GTF2IRD1: variants seen among roughly 807,000 people sequenced by gnomAD.
The protein encoded by GTF2IRD1 is GTF2I repeat domain containing 1.
In GTF2IRD1, 26 loss-of-function variants were observed where a neutral mutation model predicts 113.2. The ratio of observed to expected loss-of-function variants is 0.23; its 90% CI spans 0.17 to 0.32. The LOEUF (loss-of-function observed/expected upper bound fraction) is 0.32. GTF2IRD1 is among the 10% of genes least tolerant of loss of function. The pLI, the probability that GTF2IRD1 is intolerant of heterozygous loss-of-function variation, is 1.00. For synonymous variants in GTF2IRD1, 484 were observed against 529.1 expected (o/e 0.91, Z 1.17); for missense variants, 864 against 1,280.8 (o/e 0.67, Z 4.97).
chr7:74,475,011 A>T (rs2117046724), intron 1 of GTF2IRD1, among the ~76,000 whole-genome samples: 1 of 152,224 alleles, frequency 6.6e-6, no homozygotes, highest in South Asian at 2.1e-4. Flanking sequence ...AGTCCCAGAT[A>T]CTCAGGAAGG....
intron 1 of GTF2IRD1, among the ~76,000 whole-genome samples, chr7:74,492,248 G>T (rs539874994): frequency 6.7e-6 from 1 of 149,446 alleles, no homozygotes; most frequent in African/African-American, 2.5e-5. Context: ...TCGGCTCACC[G>T]CAAGCTCTGC....
At chr7:74,519,262 T>G in intron 5 of GTF2IRD1, 147 bp from the exon 6 acceptor site, 1 of 556,294 alleles carries the variant, frequency 1.8e-6, no homozygotes, top group Non-Finnish European at 3.1e-6. Context: ...CATCCCCACT[T>G]GTGAAGTGGA....
At chr7:74,465,836 C>G (rs909627836) in intron 1 of GTF2IRD1, among the ~76,000 whole-genome samples, 13 of 152,122 alleles carry the variant, frequency 8.5e-5, no homozygotes, top group Non-Finnish European at 1.9e-4. Flanking sequence ...GTGGCAGGAT[C>G]TCGGCTCACT....
rs781830372 is a variant in GTF2IRD1 at position 74,555,481 on chromosome 7, A to C, written c.2010A>C (p.Arg670Ser). ...GDPLVDESLK[R>S]QGFQENYDAR... ...CTCTGGTGGACGAGAGCCTGAAGAG[A>C]CAGGGCTTTCAAGGTAAGGTTGAGC... The change falls in exon 19 of 27, where the codon AGA (arginine) becomes AGC (serine). Residue 670 changes from arginine (R) to serine (S), a missense_variant. Arg to Ser is a moderately radical substitution (Grantham distance 110, BLOSUM62 -1). Around this residue, in one of 7 missense-constraint regions of GTF2IRD1, gnomAD observed 195 missense variants for 359.1 expected, o/e 0.54. Coordinates refer to ENST00000424337, the MANE Select transcript of GTF2IRD1 (RefSeq NM_005685.4). This position sits in a 1 kb window ranked among gnomAD's most constrained non-coding sequence, Gnocchi z 5.3. 1.2e-6 allele frequency: 2 copies of C among 1,607,568 alleles called. No individual in the cohort carries two copies. The highest frequency in any genetic ancestry group is 1.7e-5 in the Admixed American group (1 of 59,976).
Position 74,529,854 on chromosome 7 carries a change from A to T in GTF2IRD1, c.1211A>T (p.Tyr404Phe). The part of the protein sequence containing the change: ...DKIPFKRPCT[Y>F]GVPKLKRILE... ...ATCCCCTTCAAGCGCCCCTGCACTT[A>T]TGGAGTCCCCAAGCTGAAGCGGATC... Residue 404 changes from tyrosine to phenylalanine, a missense_variant, in exon 9 of 27, where the codon TAT becomes TTT. By Grantham distance (22) the Tyr-to-Phe change is conservative. Coordinates refer to ENST00000424337, the MANE Select transcript of GTF2IRD1 (RefSeq NM_005685.4). 1 of 1,614,082 alleles carries T rather than the reference A, an allele frequency of 6.2e-7. No homozygotes were observed. Among genetic ancestry groups the T allele is most frequent in the Non-Finnish European group, 8.5e-7 (1 of 1,180,006 alleles).
intron 1 of GTF2IRD1, among the ~76,000 whole-genome samples, chr7:74,475,626 T>G (rs1173322783): frequency 2.0e-5 from 3 of 152,186 alleles, no homozygotes; most frequent in Non-Finnish European, 2.9e-5. Context: ...TTCATGAAAT[T>G]GCACCACCTG....
chr7:74,480,768 G>A (rs1794694461), intron 1 of GTF2IRD1, among the ~76,000 whole-genome samples: 1 of 152,212 alleles, frequency 6.6e-6, no homozygotes, highest in African/African-American at 2.4e-5. Flanking sequence ...CTCCGTGCCC[G>A]CCCCGGGGGA....
At chr7:74,585,957 T>C (rs1801693058) in intron 22 of GTF2IRD1, among the ~76,000 whole-genome samples, 1 of 151,328 alleles carries the variant, frequency 6.6e-6, no homozygotes, top group African/African-American at 2.4e-5. Context: ...CATGGTAGAG[T>C]GGAAAGACCA....
In GTF2IRD1 at chr7:74,489,147, G is replaced by GA. The variant is rs1164410446; in HGVS notation, c.-6-18919dup. ...ACAGGGTAAGACTCCATCTCAAAAA[G>GA]AAAAAAAAAGACTTTTACTGTTTCA... On this transcript the variant is annotated intron_variant, in intron 1 of 26. Transcript: ENST00000424337. 4.1e-3 allele frequency among the ~76,000 whole-genome samples: 615 copies of GA among 149,550 alleles called. 5 individuals carry two copies. Among genetic ancestry groups the GA allele is most frequent in the African/African-American group, 0.014 (564 of 40,818 alleles).
At chr7:74,486,591 T>C (rs1267058781) in intron 1 of GTF2IRD1, among the ~76,000 whole-genome samples, 2 of 152,162 alleles carry the variant, frequency 1.3e-5, no homozygotes, top group Admixed American at 1.3e-4. Context: ...TTTTGTGTTG[T>C]GGCCCCTACA....
At chr7:74,571,131 A>G in intron 22 of GTF2IRD1, 1 of 985,158 alleles carries the variant, frequency 1.0e-6, no homozygotes, top group Non-Finnish European at 1.2e-6. Context: ...GGGGCTCCAG[A>G]CCCCAGGGAT....
chr7:74,497,830 A>G (rs1443097510), intron 1 of GTF2IRD1, among the ~76,000 whole-genome samples: 1 of 152,110 alleles, frequency 6.6e-6, no homozygotes, highest in Non-Finnish European at 1.5e-5. Context: ...TCAGCCTCCC[A>G]AGTAGCTGGG....
intron 6 of GTF2IRD1, among the ~76,000 whole-genome samples, chr7:74,520,839 A>ATTATTAT (rs1199756991): frequency 1.0e-5 from 1 of 95,880 alleles, no homozygotes; most frequent in African/African-American, 4.0e-5. Flanking sequence ...TAAGTTATAT[A>ATTATTAT]TACTATTATT....
At chr7:74,524,033 T>C in intron 7 of GTF2IRD1, 38 bp from the exon 8 acceptor site, 1 of 1,454,732 alleles carries the variant, frequency 6.9e-7, no homozygotes, top group South Asian at 1.2e-5. Context: ...GACCGTCCCG[T>C]GGGGCCCTGC....
chr7:74,550,185 C>G (rs1194999264), intron 17 of GTF2IRD1, among the ~76,000 whole-genome samples: 1 of 151,932 alleles, frequency 6.6e-6, no homozygotes, highest in South Asian at 2.1e-4. Context: ...GACAGTAACA[C>G]TCTTGTCTCA....
chr7:74,583,090 GT>G (rs1554366614), intron 22 of GTF2IRD1, among the ~76,000 whole-genome samples: 2 of 152,164 alleles, frequency 1.3e-5, no homozygotes, highest in African/African-American at 4.8e-5. Context: ...TGAGCTTGAT[GT>G]TGACTGAGCT....
chr7:74,482,206 C>T (rs1554334761), intron 1 of GTF2IRD1, among the ~76,000 whole-genome samples: 1 of 150,902 alleles, frequency 6.6e-6, no homozygotes, highest in Non-Finnish European at 1.5e-5. Context: ...TGTCCCAATA[C>T]CTGATGTCTC....
At chr7:74,574,059 C>G (rs1554363604) in intron 22 of GTF2IRD1, among the ~76,000 whole-genome samples, 1 of 152,106 alleles carries the variant, frequency 6.6e-6, no homozygotes, top group East Asian at 1.9e-4. Context: ...TCTCAGCTCA[C>G]TGCAACCTCC....
At chr7:74,518,032 A>G (rs1345969239) in intron 4 of GTF2IRD1, 107 bp from the exon 5 acceptor site, 2 of 709,156 alleles carry the variant, frequency 2.8e-6, no homozygotes, top group South Asian at 3.0e-5. Context: ...GGAACCCCGC[A>G]CCAAGGGGAG....
Sources: gnomAD v4.1 joint callset for allele counts (sites outside exome capture counted in the v4.1 genomes callset) on GRCh38, gnomAD v4.1.1 for gene constraint, gnomAD v4.1.1 regional missense constraint, Gnocchi (gnomAD v3.1) non-coding constraint, MANE v1.5 for transcripts, NCBI Gene and HGNC (gene_info 2026-07-23, HGNC 2026-07-21) for gene names.